The following ZNF362 variants were observed in gnomAD, a reference collection of about 807,000 sequenced individuals.
ZNF362 encodes zinc finger protein 362, also known as rotund homolog.
A neutral mutation model predicts 42.9 loss-of-function variants in ZNF362; 11 were observed. The ratio of observed to expected loss-of-function variants is 0.26; its 90% CI spans 0.16 to 0.42. The LOEUF is 0.42. ZNF362 is among the 20% of genes least tolerant of loss of function. ZNF362 has a pLI of 1.00. For synonymous variants in ZNF362, 255 were observed against 257.3 expected (o/e 0.99, Z 0.09); for missense variants, 362 against 576.2 (o/e 0.63, Z 3.81).
At chr1:33,233,863 A>T in the ZNF362 span, among the ~76,000 whole-genome samples, 2 of 152,154 alleles carry the variant, frequency 1.3e-5, no homozygotes, top group African/African-American at 4.8e-5. Context: ...TAAATATGGA[A>T]CTGGGATGCC....
chr1:33,210,119 A>G, the ZNF362 span, among the ~76,000 whole-genome samples: 2 of 152,116 alleles, frequency 1.3e-5, no homozygotes, highest in African/African-American at 2.4e-5. Flanking sequence ...AGATTCTGGT[A>G]TGTTGTGTCT....
the ZNF362 span, among the ~76,000 whole-genome samples, chr1:33,236,546 A>T: frequency 2.6e-3 from 19 of 7,282 alleles, no homozygotes; most frequent in African/African-American, 3.6e-3. Context: ...AAAAAAAAAA[A>T]AAAAATATAT....
chr1:33,258,851 T>G (rs911383270), intron 1 of ZNF362, among the ~76,000 whole-genome samples: 2 of 152,202 alleles, frequency 1.3e-5, no homozygotes, highest in African/African-American at 4.8e-5. Context: ...CTAATGGGGA[T>G]TATGAACCTC....
At chr1:33,250,637 G>A in the ZNF362 span, among the ~76,000 whole-genome samples, 1 of 152,054 alleles carries the variant, frequency 6.6e-6, no homozygotes, top group Admixed American at 6.6e-5. Context: ...TGGATGCTGG[G>A]CTTAATGCCT....
chr1:33,271,935 C>G (rs765313145), intron 2 of ZNF362, among the ~76,000 whole-genome samples: 4 of 152,148 alleles, frequency 2.6e-5, no homozygotes, highest in Non-Finnish European at 5.9e-5. Context: ...AGGAGTCGGC[C>G]AAAGGGACTG....
At chr1:33,170,275 G>A in the ZNF362 span, among the ~76,000 whole-genome samples, 1 of 151,272 alleles carries the variant, frequency 6.6e-6, no homozygotes, top group East Asian at 1.9e-4. Context: ...AGTGAGCCAA[G>A]ATCGTGCCAC....
chr1:33,237,261 T>G, the ZNF362 span, among the ~76,000 whole-genome samples: 1 of 152,234 alleles, frequency 6.6e-6, no homozygotes, highest in African/African-American at 2.4e-5. Context: ...TGTTAAGAGC[T>G]TAATGAAGCA....
chr1:33,256,817 C>A (rs1383396795), intron 1 of ZNF362, among the ~76,000 whole-genome samples, 163 bp downstream of exon 1: 1 of 126,684 alleles, frequency 7.9e-6, no homozygotes, highest in Admixed American at 8.0e-5. Context: ...CGCCTCGGGC[C>A]CGGCCCAGAG....
the ZNF362 span, among the ~76,000 whole-genome samples, chr1:33,168,415 A>T: frequency 6.6e-6 from 1 of 152,014 alleles, no homozygotes; most frequent in African/African-American, 2.4e-5. Context: ...CAACAGTGCC[A>T]ATTTCCATGG....
the ZNF362 span, among the ~76,000 whole-genome samples, chr1:33,198,995 A>G: frequency 6.6e-6 from 1 of 152,210 alleles, no homozygotes; most frequent in Admixed American, 6.5e-5. Flanking sequence ...AAACACAGAA[A>G]GAAAAAAGAC....
chr1:33,227,256 A>G, the ZNF362 span, among the ~76,000 whole-genome samples: 1 of 152,202 alleles, frequency 6.6e-6, no homozygotes, highest in African/African-American at 2.4e-5. Context: ...CCTCCTATTA[A>G]GAAGTGGGGT....
chr1:33,200,743 A>C, the ZNF362 span, among the ~76,000 whole-genome samples: 1 of 152,220 alleles, frequency 6.6e-6, no homozygotes, highest in Non-Finnish European at 1.5e-5. Context: ...AGCAACTAAT[A>C]AGGGAGCTTT....
At chr1:33,165,461 CCAGGCT>C in the ZNF362 span, 1 of 1,587,078 alleles carries the variant, frequency 6.3e-7, no homozygotes, top group African/African-American at 1.3e-5. The surrounding 1 kb of genome is among the most constrained non-coding windows in gnomAD (Gnocchi z 4.0). Context: ...CGCGCCCCGG[CCAGGCT>C]CACCTTGGTC....
chr1:33,214,718 C>T, the ZNF362 span, among the ~76,000 whole-genome samples: 1 of 152,126 alleles, frequency 6.6e-6, no homozygotes. Flanking sequence ...AGAAGACCTA[C>T]AAATGATTGA....
chr1:33,196,563 C>T, the ZNF362 span, among the ~76,000 whole-genome samples: 1 of 152,154 alleles, frequency 6.6e-6, no homozygotes, highest in South Asian at 2.1e-4. Context: ...CTAACAATGT[C>T]TTCTTCTGGA....
At chr1:33,296,450 G>A (rs1003597102) in intron 8 of ZNF362, among the ~76,000 whole-genome samples, 2 of 152,114 alleles carry the variant, frequency 1.3e-5, no homozygotes, top group African/African-American at 4.8e-5. Context: ...GCCACTCCTG[G>A]GTTCTCATCC....
intron 3 of ZNF362, 31 bp downstream of exon 3, chr1:33,276,194 T>C (rs976510831): frequency 1.2e-6 from 2 of 1,610,880 alleles, no homozygotes; most frequent in Admixed American, 3.3e-5. Context: ...CCGGCTGCCC[T>C]ACCCTCCTTG....
the ZNF362 span, among the ~76,000 whole-genome samples, chr1:33,168,432 T>A: frequency 1.3e-5 from 2 of 152,046 alleles, no homozygotes; most frequent in South Asian, 4.1e-4. Context: ...ATGGTGTAAA[T>A]GTTCCCACTC....
chr1:33,200,998 C>G, the ZNF362 span, among the ~76,000 whole-genome samples: 1 of 152,154 alleles, frequency 6.6e-6, no homozygotes, highest in African/African-American at 2.4e-5. Flanking sequence ...GGAGAGAGGC[C>G]TCAGAAGACA....
Sources: gnomAD v4.1 joint callset for allele counts (sites outside exome capture counted in the v4.1 genomes callset) on GRCh38, gnomAD v4.1.1 for gene constraint, Gnocchi (gnomAD v3.1) non-coding constraint, MANE v1.5 for transcripts, NCBI Gene and HGNC (gene_info 2026-07-23, HGNC 2026-07-21) for gene names.